Variants in GJA10 observed in about 807,000 individuals in gnomAD.
The protein encoded by GJA10 is gap junction alpha-10 protein.
For missense variants in GJA10, 685 were observed against 651.9 expected (o/e 1.05, Z -0.55); for synonymous variants, 239 against 233.0 (o/e 1.03, Z -0.23).
At position 89,894,740 on chromosome 6, in the gene GJA10, T is replaced by C; in HGVS notation, c.272T>C (p.Val91Ala). The change falls in exon 1 of 1, where the codon GTC becomes GCC. Residue 91 changes from valine to alanine, a missense_variant. Transcript: ENST00000369352. ...QIIFVSSPSL[V>A]YMGHALYRLR... ...ATCTTTGTGTCTTCTCCTTCTTTGGTCTATATGGGCCATGCACTTTATAGG... is the reference window on the plus strand; with the variant it reads ...ATCTTTGTGTCTTCTCCTTCTTTGGCCTATATGGGCCATGCACTTTATAGG... The C allele has an allele frequency of 6.2e-7, 1 of 1,614,204 alleles. No homozygotes were observed. Among genetic ancestry groups the C allele is most frequent in the African/African-American group, 1.3e-5 (1 of 75,048 alleles).
In GJA10 at chr6:89,894,721, G is replaced by T. The variant is rs1234592808; in HGVS notation, c.253G>T (p.Val85Leu). Residue 85 changes from valine (V) to leucine (L), a missense_variant, in exon 1 of 1, where the codon GTG (valine) becomes TTG (leucine). By Grantham distance (32) the Val-to-Leu change is conservative. Transcript: ENST00000369352. ...GTTCTGGGTTTTACAGATCATCTTT[G>T]TGTCTTCTCCTTCTTTGGTCTATAT... is the stretch of plus-strand genomic sequence containing the variant. The part of the protein sequence containing the change: ...IRFWVLQIIF[V>L]SSPSLVYMGH... The T allele has an allele frequency of 2.5e-6, 4 of 1,614,070 alleles. No individual in the cohort carries two copies. The highest frequency in any genetic ancestry group is 1.3e-5 in the African/African-American group (1 of 74,920).
chr6:89,896,116 AT>A lies in GJA10; in HGVS notation c.*17del. On this transcript the variant is annotated 3_prime_UTR_variant, in exon 1 of 1. Coordinates refer to ENST00000369352, the MANE Select transcript of GJA10 (RefSeq NM_032602.2). ...CAATTCATAAAATAGACTTAGAAAA[AT>A]CTTATTATATCAATCGCTCTTATAA... 4 of 1,524,178 alleles carry A rather than the reference AT, an allele frequency of 2.6e-6. No homozygotes were observed. The highest frequency in any genetic ancestry group is 3.5e-6 in the Non-Finnish European group (4 of 1,127,832). The allele number at this position is 1,524,178 out of a possible 1,614,324, so 94.4% of individuals were successfully genotyped here. A position where few individuals can be genotyped will look rare whatever the true frequency, so the allele number is the denominator to read the frequency against.
At position 89,894,828 on chromosome 6, in the gene GJA10, T is replaced by A. The variant is rs748993836; in HGVS notation, c.360T>A (p.Asn120Lys). Residue 120 changes from asparagine to lysine, a missense_variant, in exon 1 of 1, where the codon AAT (asparagine) becomes AAA (lysine). Asn to Lys is a moderately conservative substitution (Grantham distance 94). Transcript: ENST00000369352. ...KKSHLRAQME[N>K]PDLDLEEQQR... ...CACACCTTAGAGCCCAGATGGAGAA[T>A]CCAGATCTTGACTTGGAGGAGCAGC... The A allele has an allele frequency of 7.4e-6, 12 of 1,614,016 alleles. No homozygotes were observed. The South Asian group carries it at 1.1e-4, about 15-fold the overall frequency.
In GJA10 at chr6:89,896,098, T is replaced by C. The variant is rs770938591; in HGVS notation, c.1630T>C (p.Ter544GlnextTer?). The change falls in exon 1 of 1, where the codon TAA (stop) becomes CAA (glutamine). Residue 544 changes from the stop codon to glutamine (Q), a stop_lost. Transcript: ENST00000369352. ...GATACATTCAGTTAAATTCAATTCA[T>C]AAAATAGACTTAGAAAAATCTTATT... ...HSIHSVKFNS[*>Q] is the part of the protein sequence containing the mutation. 3.8e-6 allele frequency: 6 copies of C among 1,563,846 alleles called. No individual in the cohort carries two copies. The African/African-American group carries it at 8.2e-5, about 21-fold the overall frequency.
rs765311166 is a variant in GJA10, at chr6:89,895,277, G to A, written c.809G>A (p.Cys270Tyr). ...AAGAAATATTCTGTGGCCCAGCAGT[G>A]TATGATTTGCTCTTCATTGCCTGAA... Reference protein sequence around the residue: ...HLKKYSVAQQCMICSSLPERI... With the variant: ...HLKKYSVAQQYMICSSLPERI... The change falls in exon 1 of 1, where the codon TGT becomes TAT. Residue 270 changes from cysteine (C) to tyrosine (Y), a missense_variant. Coordinates refer to ENST00000369352, the MANE Select transcript of GJA10 (RefSeq NM_032602.2). The A allele has an allele frequency of 1.9e-6, 3 of 1,614,028 alleles. No homozygotes were observed. In the African/African-American group the frequency reaches 4.0e-5, roughly 22 times the overall value.
In GJA10 at chr6:89,896,073, G is replaced by A. The variant is rs200122546; in HGVS notation, c.1605G>A (p.Ser535=). Residue 535 remains serine, a synonymous_variant, in exon 1 of 1, where the codon TCG becomes TCA. Transcript: ENST00000369352. The part of the protein sequence containing the change: ...DYLWRDKIIH[S]IHSVKFNS ...TATGGAGAGATAAAATTATTCATTCGATACATTCAGTTAAATTCAATTCAT... is the reference window on the plus strand; with the variant it reads ...TATGGAGAGATAAAATTATTCATTCAATACATTCAGTTAAATTCAATTCAT... 94 of 1,591,574 alleles carry A rather than the reference G, an allele frequency of 5.9e-5. No homozygotes were observed. In the African/African-American group the frequency reaches 1.0e-3, roughly 18 times the overall value.
Position 89,895,514 on chromosome 6 carries a change from T to A in GJA10, c.1046T>A (p.Leu349Gln), listed in dbSNP as rs1323403267. 18 of 1,614,060 alleles carry A rather than the reference T, an allele frequency of 1.1e-5. No individual in the cohort carries two copies. The highest frequency in any genetic ancestry group is 1.4e-5 in the Non-Finnish European group (16 of 1,180,032). ...PWAGSAGNQH[L>Q]GQQSDHSSFG... ...GCTGGCAGTGCTGGAAATCAGCACCTGGGACAGCAATCAGACCATTCCTCA... is the reference window on the plus strand; with the variant it reads ...GCTGGCAGTGCTGGAAATCAGCACCAGGGACAGCAATCAGACCATTCCTCA... The change falls in exon 1 of 1, where the codon CTG becomes CAG. Residue 349 changes from leucine (L) to glutamine (Q), a missense_variant. By Grantham distance (113) the Leu-to-Gln change is moderately radical. Transcript: ENST00000369352.
At position 89,895,306 on chromosome 6, in the gene GJA10, A is replaced by ATCTC; in HGVS notation, c.841_844dup (p.Pro282LeufsTer6). ...GATTTGCTCTTCATTGCCTGAAAGA[A>ATCTC]TCTCTCCACTTCAAGCTAACAATCA... On this transcript the variant is annotated frameshift_variant, in exon 1 of 2. Coordinates refer to the GJA10 transcript ENST00000638915. LOFTEE classifies it high-confidence loss of function. 1 of 1,614,154 alleles carries ATCTC rather than the reference A, an allele frequency of 6.2e-7. No individual in the cohort carries two copies. The highest frequency in any genetic ancestry group is 8.5e-7 in the Non-Finnish European group (1 of 1,180,030).
At position 89,894,513 on chromosome 6, in the gene GJA10, C is replaced by T. The variant is rs1771708374; in HGVS notation, c.45C>T (p.His15=). 2 of 1,614,120 alleles carry T rather than the reference C, an allele frequency of 1.2e-6. No individual in the cohort carries two copies. The highest frequency in any genetic ancestry group is 1.7e-6 in the Non-Finnish European group (2 of 1,179,960). ...TGGGTGGCATCCTAGAGGAAGTTCA[C>T]TCCCACTCAACCATAGTGGGGAAAA... ...NLLGGILEEV[H]SHSTIVGKIW... is the part of the protein sequence containing the mutation. Residue 15 remains histidine, a synonymous_variant, in exon 1 of 1, where the codon CAC becomes CAT. Coordinates refer to ENST00000369352, the MANE Select transcript of GJA10 (RefSeq NM_032602.2).
rs769466941 is a variant in GJA10 at position 89,894,696 on chromosome 6, G to C, written c.228G>C (p.Arg76Ser). ...YDDAFPISLI[R>S]FWVLQIIFVS... ...ATGCATTCCCTATCTCTTTGATCAG[G>C]TTCTGGGTTTTACAGATCATCTTTG... Residue 76 changes from arginine (R) to serine (S), a missense_variant, in exon 1 of 1, where the codon AGG becomes AGC. By Grantham distance (110) the Arg-to-Ser change is moderately radical. Transcript: ENST00000369352. 6.2e-7 allele frequency: 1 copy of C among 1,614,182 alleles called. No individual in the cohort carries two copies.
In GJA10 at chr6:89,894,624, T is replaced by C; in HGVS notation, c.156T>C (p.Phe52=). ...TCTGGGATGATGAACAGTCAGCATTTGCCTGCAACACCCGGCAGCCAGGTT... is the reference window on the plus strand; with the variant it reads ...TCTGGGATGATGAACAGTCAGCATTCGCCTGCAACACCCGGCAGCCAGGTT... ...EDVWDDEQSA[F]ACNTRQPGCN... The change falls in exon 1 of 1, where the codon TTT becomes TTC. Residue 52 remains phenylalanine, a synonymous_variant. Transcript: ENST00000369352. 1 of 1,614,238 alleles carries C rather than the reference T, an allele frequency of 6.2e-7. No homozygotes were observed. Among genetic ancestry groups the C allele is most frequent in the Non-Finnish European group, 8.5e-7 (1 of 1,180,036 alleles).
In GJA10 at chr6:89,894,945, A is replaced by G. The variant is rs1366197534; in HGVS notation, c.477A>G (p.Leu159=). The G allele has an allele frequency of 2.5e-6, 4 of 1,614,092 alleles. No individual in the cohort carries two copies. In the African/African-American group the frequency reaches 5.3e-5, roughly 22 times the overall value. The change falls in exon 1 of 1, where the codon TTA becomes TTG. Residue 159 remains leucine (L), a synonymous_variant. Transcript: ENST00000369352. ...LKGCLLRTYV[L]HILTRSVLEV... ...GATGTCTGCTGCGTACTTATGTCTT[A>G]CACATCTTGACCAGATCTGTGCTGG...
rs756405048 is a variant in GJA10 at position 89,895,126 on chromosome 6, G to A, written c.658G>A (p.Ala220Thr). ...IFMLFMHSIAAISLLLNILEI... is the reference protein window; with the variant it reads ...IFMLFMHSIATISLLLNILEI... ...CATGCTTTTTATGCACAGCATTGCA[G>A]CCATTTCCTTGTTACTCAATATACT... is the stretch of plus-strand genomic sequence containing the variant. The change falls in exon 1 of 1, where the codon GCC (alanine) becomes ACC (threonine). Residue 220 changes from alanine to threonine, a missense_variant. Ala to Thr is a moderately conservative substitution (Grantham distance 58). Coordinates refer to ENST00000369352, the MANE Select transcript of GJA10 (RefSeq NM_032602.2). 68 of 1,613,932 alleles carry A rather than the reference G, an allele frequency of 4.2e-5. No individual in the cohort carries two copies. Among genetic ancestry groups the A allele is most frequent in the Non-Finnish European group, 5.5e-5 (65 of 1,180,020 alleles).
At position 89,895,532 on chromosome 6, in the gene GJA10, A is replaced by C. The variant is rs200685694; in HGVS notation, c.1064A>C (p.His355Pro). 1.2e-6 allele frequency: 2 copies of C among 1,614,212 alleles called. No individual in the cohort carries two copies. The highest frequency in any genetic ancestry group is 1.7e-6 in the Non-Finnish European group (2 of 1,180,046). The change falls in exon 1 of 1, where the codon CAT (histidine) becomes CCT (proline). Residue 355 changes from histidine to proline, a missense_variant. Coordinates refer to ENST00000369352, the MANE Select transcript of GJA10 (RefSeq NM_032602.2). ...GNQHLGQQSD[H>P]SSFGLQNTMS... ...CAGCACCTGGGACAGCAATCAGACC[A>C]TTCCTCATTTGGCCTGCAGAATACA...
In GJA10 at chr6:89,894,524, C is replaced by G; in HGVS notation, c.56C>G (p.Thr19Ser). 1 of 1,614,110 alleles carries G rather than the reference C, an allele frequency of 6.2e-7. No homozygotes were observed. Residue 19 changes from threonine to serine, a missense_variant, in exon 1 of 1, where the codon ACC becomes AGC. Physicochemically the swap from Thr to Ser is moderately conservative, Grantham distance 58. Transcript: ENST00000369352. ...GILEEVHSHS[T>S]IVGKIWLTIL... is the part of the protein sequence containing the mutation. Reference sequence around the variant, plus strand: ...CTAGAGGAAGTTCACTCCCACTCAACCATAGTGGGGAAAATCTGGCTGACC... The same window carrying G: ...CTAGAGGAAGTTCACTCCCACTCAAGCATAGTGGGGAAAATCTGGCTGACC...
Position 89,894,524 on chromosome 6 carries a change from C to A in GJA10, c.56C>A (p.Thr19Asn), listed in dbSNP as rs1771709516. The stretch of plus-strand genomic sequence containing the variant: ...CTAGAGGAAGTTCACTCCCACTCAA[C>A]CATAGTGGGGAAAATCTGGCTGACC... Reference protein sequence around the residue: ...GILEEVHSHSTIVGKIWLTIL... With the variant: ...GILEEVHSHSNIVGKIWLTIL... Residue 19 changes from threonine (T) to asparagine (N), a missense_variant, in exon 1 of 1, where the codon ACC becomes AAC. Thr to Asn is a moderately conservative substitution (Grantham distance 65). Transcript: ENST00000369352. 1 of 1,613,992 alleles carries A rather than the reference C, an allele frequency of 6.2e-7. No individual in the cohort carries two copies. The highest frequency in any genetic ancestry group is 1.3e-5 in the African/African-American group (1 of 74,920).
chr6:89,895,260 T>C lies in GJA10; in HGVS notation c.792T>C (p.Tyr264=), dbSNP rs1277211539. 3.7e-6 allele frequency: 6 copies of C among 1,614,060 alleles called. No individual in the cohort carries two copies. Among genetic ancestry groups the C allele is most frequent in the Non-Finnish European group, 5.1e-6 (6 of 1,180,036 alleles). ...GCCCTCCATTCCATTTGAAGAAATA[T>C]TCTGTGGCCCAGCAGTGTATGATTT... is the stretch of plus-strand genomic sequence containing the variant. The part of the protein sequence containing the change: ...ETGPPFHLKK[Y]SVAQQCMICS... The change falls in exon 1 of 1, where the codon TAT becomes TAC. Residue 264 remains tyrosine, a synonymous_variant. Coordinates refer to ENST00000369352, the MANE Select transcript of GJA10 (RefSeq NM_032602.2).
At position 89,894,709 on chromosome 6, in the gene GJA10, CA is replaced by C. The variant is rs1306432894; in HGVS notation, c.242del (p.Gln81ArgfsTer51). 7 of 1,614,094 alleles carry C rather than the reference CA, an allele frequency of 4.3e-6. No individual in the cohort carries two copies. The highest frequency in any genetic ancestry group is 1.3e-5 in the African/African-American group (1 of 74,930). On this transcript the variant is annotated frameshift_variant, in exon 1 of 2. Transcript: ENST00000638915. LOFTEE classifies it high-confidence loss of function. The stretch of plus-strand genomic sequence containing the variant: ...CTCTTTGATCAGGTTCTGGGTTTTA[CA>C]GATCATCTTTGTGTCTTCTCCTTCT...
At position 89,894,675 on chromosome 6, in the gene GJA10, A is replaced by G. The variant is rs781073664; in HGVS notation, c.207A>G (p.Ala69=). Residue 69 remains alanine, a synonymous_variant, in exon 1 of 1, where the codon GCA becomes GCG. Coordinates refer to ENST00000369352, the MANE Select transcript of GJA10 (RefSeq NM_032602.2). ...GCAACAATATCTGTTATGATGATGCATTCCCTATCTCTTTGATCAGGTTCT... is the reference window on the plus strand; with the variant it reads ...GCAACAATATCTGTTATGATGATGCGTTCCCTATCTCTTTGATCAGGTTCT... The part of the protein sequence containing the change: ...PGCNNICYDD[A]FPISLIRFWV... 2 of 1,614,098 alleles carry G rather than the reference A, an allele frequency of 1.2e-6. No homozygotes were observed. The highest frequency in any genetic ancestry group is 1.7e-6 in the Non-Finnish European group (2 of 1,180,042).
Sources: gnomAD v4.1 joint callset for allele counts on GRCh38, gnomAD v4.1.1 for gene constraint, MANE v1.5 for transcripts, NCBI Gene and HGNC (gene_info 2026-07-23, HGNC 2026-07-21) for gene names.